The following SYNC variants were observed in gnomAD, a reference collection of about 807,000 sequenced individuals.
SYNC encodes the protein syncoilin, intermediate filament protein, also known as syncoilin.
In SYNC, 38 loss-of-function variants were observed where a neutral mutation model predicts 49.5. The ratio of observed to expected loss-of-function variants is 0.77; its 90% confidence interval spans 0.59 to 1.01. The LOEUF is 1.01. Ranked by LOEUF, SYNC falls within the 50% of genes least tolerant of loss-of-function variation. The pLI is 0.00. For missense variants in SYNC, 579 were observed against 580.6 expected, an observed-to-expected ratio of 1.00 and a Z score of 0.03; for synonymous variants, 201 against 230.8, an observed-to-expected ratio of 0.87 and a Z score of 1.17.
In SYNC at chr1:32,684,500, CT is replaced by C. The variant is rs1475693491; in HGVS notation, c.1234-119del. 6.3e-6 allele frequency: 9 copies of C among 1,435,802 alleles called. No individual in the cohort carries two copies. The Admixed American group carries it at 1.9e-4, about 30-fold the overall frequency. 88.9% of individuals were successfully genotyped at this position (1,435,802 alleles called of 1,614,324 possible). A position where few individuals can be genotyped will look rare whatever the true frequency, so the allele number is the denominator to read the frequency against. On this transcript the variant is annotated intron_variant, in intron 2 of 4. Coordinates refer to ENST00000409190, the MANE Select transcript of SYNC (RefSeq NM_030786.3). ...TTTAATCTTGATAGCAGTATTGAGG[CT>C]GGTATTTATATGATAGGTTATGAAA...
chr1:32,700,824 C>T (rs1650636557), intron 1 of SYNC, among the ~76,000 whole-genome samples: 1 of 152,122 alleles, frequency 6.6e-6, no homozygotes, highest in Non-Finnish European at 1.5e-5. Context: ...TGGAGAAGGC[C>T]TGCAGTATTT....
chr1:32,702,848 G>T (rs990776416), upstream of SYNC: 8 of 265,072 alleles, frequency 3.0e-5, no homozygotes, highest in East Asian at 1.2e-3. The surrounding 1 kb of genome is among the most constrained non-coding windows in gnomAD (Gnocchi z 6.2). Flanking sequence ...CGGACCTGGG[G>T]GCGGGGAGAG....
chr1:32,687,683 A>G (rs952234282), intron 2 of SYNC, among the ~76,000 whole-genome samples: 3 of 144,598 alleles, frequency 2.1e-5, no homozygotes, highest in South Asian at 2.3e-4. Context: ...AAAAAAAAAG[A>G]AAAAAATGTT....
intron 1 of SYNC, among the ~76,000 whole-genome samples, chr1:32,699,292 T>C (rs1369250307): frequency 6.6e-6 from 1 of 151,472 alleles, no homozygotes; most frequent in Non-Finnish European, 1.5e-5. Flanking sequence ...TAGCTGAGAC[T>C]ATAGGTGCCT....
Position 32,681,684 on chromosome 1 carries a change from A to G in SYNC, c.*166T>C. 9.6e-7 allele frequency: 1 copy of G among 1,037,970 alleles called. No homozygotes were observed. The highest frequency in any genetic ancestry group is 2.2e-5 in the Admixed American group (1 of 44,912). 64.3% of individuals were successfully genotyped at this position (1,037,970 alleles called of 1,614,324 possible). A position where few individuals can be genotyped will look rare whatever the true frequency, so the allele number is the denominator to read the frequency against. On this transcript the variant is annotated 3_prime_UTR_variant, in exon 5 of 5. Coordinates refer to ENST00000409190, the MANE Select transcript of SYNC (RefSeq NM_030786.3). ...TGTTCTGCCTCCGGCCAACTCTAGA[A>G]TCTTTTTAAGCAGGTCAGCCAGTAT...
chr1:32,690,812 C>T (rs1467053836), intron 2 of SYNC, among the ~76,000 whole-genome samples: 3 of 149,612 alleles, frequency 2.0e-5, no homozygotes, highest in South Asian at 2.1e-4. Flanking sequence ...TAGGGCCGGG[C>T]GTGGTGACTC....
At chr1:32,691,905 C>A in intron 2 of SYNC, among the ~76,000 whole-genome samples, 1 of 151,960 alleles carries the variant, frequency 6.6e-6, no homozygotes, top group Non-Finnish European at 1.5e-5. Flanking sequence ...CCTCTTTTTT[C>A]ATGAAGAGTT....
Position 32,695,332 on chromosome 1 carries a change from A to T in SYNC, c.766T>A (p.Tyr256Asn), listed in dbSNP as rs752420569. 1 of 1,551,610 alleles carries T rather than the reference A, an allele frequency of 6.4e-7. No homozygotes were observed. Among genetic ancestry groups the T allele is most frequent in the South Asian group, 1.2e-5 (1 of 84,060 alleles). Residue 256 changes from tyrosine (Y) to asparagine (N), a missense_variant, in exon 2 of 5, where the codon TAC becomes AAC. Coordinates refer to ENST00000409190, the MANE Select transcript of SYNC (RefSeq NM_030786.3). ...LFKVTKECVA[Y>N]QYQLECRQQD... is the part of the protein sequence containing the mutation. Reference sequence around the variant, plus strand: ...TGGCGGCACTCCAGCTGGTATTGGTAGGCCACACATTCCTTTGTCACTTTG... The same window carrying T: ...TGGCGGCACTCCAGCTGGTATTGGTTGGCCACACATTCCTTTGTCACTTTG...
chr1:32,683,775 A>G (rs943113379), intron 4 of SYNC: 8 of 447,238 alleles, frequency 1.8e-5, no homozygotes, highest in African/African-American at 8.0e-5. Context: ...TGGGATTATA[A>G]GTGCCTGCCA....
chr1:32,684,460 C>CT, intron 2 of SYNC, 78 bp from the exon 3 acceptor site: 1 of 1,593,938 alleles, frequency 6.3e-7, no homozygotes, highest in Non-Finnish European at 8.6e-7. Context: ...TTATAAAACA[C>CT]TTTTTTGTTC....
intron 2 of SYNC, among the ~76,000 whole-genome samples, chr1:32,689,207 A>G (rs1216010988): frequency 1.7e-5 from 2 of 119,558 alleles, no homozygotes; most frequent in African/African-American, 6.2e-5. Flanking sequence ...AAGTGCTGGG[A>G]TTACAGGCGT....
At chr1:32,702,834 C>T (rs1231932348), upstream of SYNC, 1 of 364,214 alleles carries the variant, frequency 2.7e-6, no homozygotes, top group Non-Finnish European at 3.9e-6. This position sits in a 1 kb window ranked among gnomAD's most constrained non-coding sequence, Gnocchi z 6.2. Context: ...AGGGAGCGGC[C>T]GCGCGGACCT....
intron 4 of SYNC, chr1:32,683,737 A>G (rs924893274): frequency 5.7e-6 from 2 of 347,830 alleles, no homozygotes; most frequent in Non-Finnish European, 1.1e-5. Context: ...GGTTCAAGCG[A>G]TTCTCCTGCC....
chr1:32,691,947 A>G (rs1426303727), intron 2 of SYNC, among the ~76,000 whole-genome samples: 1 of 152,020 alleles, frequency 6.6e-6, no homozygotes, highest in Non-Finnish European at 1.5e-5. Context: ...AAAATAATCT[A>G]TCCCGGCCGG....
rs191376391 is a variant in SYNC at position 32,701,717 on chromosome 1, G to C, written c.53+891C>G. 2.5e-4 allele frequency among the ~76,000 whole-genome samples: 38 copies of C among 152,270 alleles called. No individual in the cohort carries two copies. In the East Asian group the frequency reaches 7.0e-3, roughly 28 times the overall value. On this transcript the variant is annotated intron_variant, in intron 1 of 4. Transcript: ENST00000409190. ...AGAGGAGAGGAAGCCAGCTTAGTTG[G>C]GGCCCCTGACCTCGGGCTTCCTTGG... is the stretch of plus-strand genomic sequence containing the variant.
At chr1:32,700,040 A>G (rs1458208445) in intron 1 of SYNC, among the ~76,000 whole-genome samples, 1 of 151,878 alleles carries the variant, frequency 6.6e-6, no homozygotes, top group Non-Finnish European at 1.5e-5. Flanking sequence ...CCCCAAACAT[A>G]CCTTTTTTAG....
chr1:32,684,000 C>CA lies in SYNC; in HGVS notation c.1438+9dup. 6.2e-7 allele frequency: 1 copy of CA among 1,613,138 alleles called. No homozygotes were observed. Among genetic ancestry groups the CA allele is most frequent in the East Asian group, 2.2e-5 (1 of 44,886 alleles). ...AATGCAAACACCACTCTTCTCTTCA[C>CA]AAAGATCACCTTGAGACTGTGTCTC... On this transcript the variant is annotated intron_variant, in intron 4 of 4. Coordinates refer to ENST00000409190, the MANE Select transcript of SYNC (RefSeq NM_030786.3).
rs1362156926 is a variant in SYNC at position 32,684,183 on chromosome 1, T to TA, written c.1358+74dup. ...CCTCTTTTTGTTTTTGATTCTAAGG[T>TA]AAAATTTTCCCTAAGCCCTCCCACC... On this transcript the variant is annotated intron_variant, in intron 3 of 4. Transcript: ENST00000409190. 7 of 1,605,678 alleles carry TA rather than the reference T, an allele frequency of 4.4e-6. No homozygotes were observed. The East Asian group carries it at 1.6e-4, about 36-fold the overall frequency.
At chr1:32,687,805 G>A (rs1363910784) in intron 2 of SYNC, among the ~76,000 whole-genome samples, 1 of 138,276 alleles carries the variant, frequency 7.2e-6, no homozygotes, top group African/African-American at 2.7e-5. Flanking sequence ...CCCTCTGTCT[G>A]GAAGACCTCT....
Sources: allele counts gnomAD v4.1 joint callset (sites outside exome capture counted in the v4.1 genomes callset), GRCh38; gene constraint gnomAD v4.1.1; non-coding constraint Gnocchi (gnomAD v3.1); transcripts MANE v1.5; gene names NCBI Gene and HGNC (gene_info 2026-07-23, HGNC 2026-07-21).